The following TCF12 variants were observed in gnomAD, a reference collection of about 807,000 sequenced individuals.
TCF12 encodes the protein transcription factor 12.
Under a neutral mutation model 86.0 loss-of-function variants are expected in TCF12, and 45 were observed. The observed-to-expected ratio is 0.52, with a 90% CI of 0.41 to 0.67. The LOEUF (loss-of-function observed/expected upper bound fraction) is 0.67. TCF12 is among the 30% of genes least tolerant of loss of function. The pLI is 0.00. For synonymous variants in TCF12, 330 were observed against 299.6 expected, an observed-to-expected ratio of 1.10 and a Z score of -1.05; for missense variants, 881 against 859.9, an observed-to-expected ratio of 1.02 and a Z score of -0.31.
chr15:57,158,916 T>G (rs1165418733), intron 5 of TCF12, among the ~76,000 whole-genome samples: 1 of 152,206 alleles, frequency 6.6e-6, no homozygotes, highest in Non-Finnish European at 1.5e-5. Context: ...GGCACAAATG[T>G]TAGCCAATAA....
At chr15:57,224,327 A>G (rs1297488122) in intron 8 of TCF12, among the ~76,000 whole-genome samples, 1 of 152,134 alleles carries the variant, frequency 6.6e-6, no homozygotes, top group East Asian at 1.9e-4. Flanking sequence ...TAGAAATTCC[A>G]TAATTGAAGA....
intron 3 of TCF12, among the ~76,000 whole-genome samples, chr15:57,043,154 G>C (rs772964243): frequency 2.6e-5 from 4 of 151,748 alleles, no homozygotes; most frequent in Non-Finnish European, 4.4e-5. Flanking sequence ...TTCATCTAAA[G>C]ACCCACTAAA....
At chr15:57,064,864 T>G (rs1318945625) in intron 4 of TCF12, among the ~76,000 whole-genome samples, 2 of 150,238 alleles carry the variant, frequency 1.3e-5, no homozygotes, top group Non-Finnish European at 3.0e-5. Flanking sequence ...GTGAATAAAT[T>G]TCTCATTTCT....
At chr15:57,219,468 C>T in intron 8 of TCF12, 1 of 1,586,910 alleles carries the variant, frequency 6.3e-7, no homozygotes, top group East Asian at 2.3e-5. Flanking sequence ...GGATATATGT[C>T]TTGGAGAGAG....
At chr15:57,267,247 AG>A (rs1229352973) in intron 18 of TCF12, among the ~76,000 whole-genome samples, 5 of 152,292 alleles carry the variant, frequency 3.3e-5, no homozygotes, top group Middle Eastern at 3.4e-3. Flanking sequence ...ACAACTTAAA[AG>A]GTGTCCTTTT....
intron 8 of TCF12, among the ~76,000 whole-genome samples, chr15:57,202,545 C>T (rs1263143902): frequency 1.3e-5 from 2 of 151,194 alleles, no homozygotes; most frequent in African/African-American, 4.9e-5. Context: ...ATGCCATTCT[C>T]CTGCCTCAGC....
intron 19 of TCF12, chr15:57,282,208 A>G (rs1372099744): frequency 1.9e-6 from 1 of 537,264 alleles, no homozygotes. Context: ...AAATCAAATC[A>G]AACCCTAGAA....
intron 3 of TCF12, among the ~76,000 whole-genome samples, chr15:57,014,281 C>T (rs770703377): frequency 9.9e-5 from 15 of 152,136 alleles, no homozygotes; most frequent in Non-Finnish European, 2.1e-4. Context: ...ACCATTTGCA[C>T]CCTGATGATG....
intron 3 of TCF12, among the ~76,000 whole-genome samples, chr15:56,951,915 TGGGATTAC>T (rs1434789307): frequency 6.6e-6 from 1 of 152,224 alleles, no homozygotes; most frequent in Non-Finnish European, 1.5e-5. Context: ...TCCAAAGTGC[TGGGATTAC>T]GGGTGCCAGC....
At chr15:57,040,418 A>T (rs2066820195) in intron 3 of TCF12, among the ~76,000 whole-genome samples, 1 of 152,200 alleles carries the variant, frequency 6.6e-6, no homozygotes, top group African/African-American at 2.4e-5. Context: ...GCTCTTTGGC[A>T]AGTGCATAAC....
At chr15:57,201,887 G>C (rs1349578932) in intron 8 of TCF12, among the ~76,000 whole-genome samples, 1 of 152,064 alleles carries the variant, frequency 6.6e-6, no homozygotes, top group African/African-American at 2.4e-5. Flanking sequence ...AAGATACAAA[G>C]TTCAAGGGAA....
intron 5 of TCF12, among the ~76,000 whole-genome samples, chr15:57,150,873 C>CCCTCCCTCCCTCCCTT (rs1177609951): frequency 2.5e-5 from 1 of 40,626 alleles, no homozygotes; most frequent in African/African-American, 7.7e-5. Context: ...CCCCCTCTGT[C>CCCTCCCTCCCTCCCTT]CCTTCCTTCC....
At chr15:57,090,127 A>C (rs2048898292) in intron 4 of TCF12, among the ~76,000 whole-genome samples, 1 of 152,090 alleles carries the variant, frequency 6.6e-6, no homozygotes, top group South Asian at 2.1e-4. Flanking sequence ...CTGAGGTGGG[A>C]GGATCACTTG....
At chr15:57,143,738 A>G (rs2053161534) in intron 5 of TCF12, among the ~76,000 whole-genome samples, 1 of 152,176 alleles carries the variant, frequency 6.6e-6, no homozygotes, top group Admixed American at 6.6e-5. Flanking sequence ...ACTGTTTAAA[A>G]TTTGGAGTTT....
chr15:57,069,389 G>A (rs953749540), intron 4 of TCF12, among the ~76,000 whole-genome samples: 42 of 152,082 alleles, frequency 2.8e-4, no homozygotes, highest in African/African-American at 9.9e-4. Context: ...TAGAGTTTGA[G>A]TGCTTTTTAA....
chr15:57,093,349 G>A (rs2049115743), intron 5 of TCF12, among the ~76,000 whole-genome samples: 1 of 152,178 alleles, frequency 6.6e-6, no homozygotes, highest in Non-Finnish European at 1.5e-5. Context: ...TATATTAAGT[G>A]TAGTAGGGCA....
intron 3 of TCF12, among the ~76,000 whole-genome samples, chr15:56,931,817 T>C (rs1470876182): frequency 3.3e-5 from 5 of 152,222 alleles, no homozygotes; most frequent in Admixed American, 6.5e-5. Flanking sequence ...ACTAGTTTGC[T>C]GTAGTCTGTT....
chr15:57,059,089 C>T (rs1332003876), intron 3 of TCF12, among the ~76,000 whole-genome samples: 1 of 152,194 alleles, frequency 6.6e-6, no homozygotes, highest in East Asian at 1.9e-4. Context: ...CAGCAGATGG[C>T]AATCCTGCAA....
intron 18 of TCF12, among the ~76,000 whole-genome samples, chr15:57,264,463 A>T (rs1294223576): frequency 6.6e-6 from 1 of 151,102 alleles, no homozygotes; most frequent in Admixed American, 6.6e-5. Flanking sequence ...ATCCTCCCAA[A>T]ATGCTGGGAT....
Sources: gnomAD v4.1 joint callset for allele counts (sites outside exome capture counted in the v4.1 genomes callset) on GRCh38, gnomAD v4.1.1 for gene constraint, MANE v1.5 for transcripts, NCBI Gene and HGNC (gene_info 2026-07-23, HGNC 2026-07-21) for gene names.